The following ARHGAP15 variants were observed in gnomAD, a reference collection of about 807,000 sequenced individuals.
ARHGAP15 encodes Rho GTPase activating protein 15.
A neutral mutation model predicts 63.7 loss-of-function variants in ARHGAP15; 51 were observed. The ratio of observed to expected loss-of-function variants is 0.80; its 90% CI spans 0.64 to 1.01. The LOEUF is 1.01. ARHGAP15 is among the 50% of genes least tolerant of loss of function. The pLI is 0.00. For synonymous variants in ARHGAP15, 191 were observed against 193.8 expected (o/e 0.99, Z 0.12); for missense variants, 560 against 564.6 (o/e 0.99, Z 0.08).
chr2:143,348,464 A>G (rs893478904), intron 6 of ARHGAP15, among the ~76,000 whole-genome samples: 2 of 149,928 alleles, frequency 1.3e-5, no homozygotes, highest in African/African-American at 5.0e-5. Flanking sequence ...TTTCAGGATT[A>G]AAAAAAAACT....
At chr2:143,315,508 G>A (rs544974916) in intron 6 of ARHGAP15, among the ~76,000 whole-genome samples, 1 of 152,036 alleles carries the variant, frequency 6.6e-6, no homozygotes, top group South Asian at 2.1e-4. Flanking sequence ...ACAGATACCA[G>A]AATACTAACT....
At chr2:143,501,249 C>T (rs186341017) in intron 9 of ARHGAP15, among the ~76,000 whole-genome samples, 8 of 152,194 alleles carry the variant, frequency 5.3e-5, no homozygotes, top group Non-Finnish European at 1.0e-4. Flanking sequence ...TTCATTCATT[C>T]CCTGGACAGT....
At chr2:143,576,100 T>G (rs759412424) in intron 11 of ARHGAP15, among the ~76,000 whole-genome samples, 2 of 152,154 alleles carry the variant, frequency 1.3e-5, no homozygotes, top group Non-Finnish European at 2.9e-5. Context: ...AAAGCACTGT[T>G]CATTAACACC....
intron 12 of ARHGAP15, among the ~76,000 whole-genome samples, chr2:143,697,075 G>A (rs1031722671): frequency 3.3e-5 from 5 of 152,230 alleles, no homozygotes; most frequent in East Asian, 3.9e-4. Flanking sequence ...CGCTCAAGGC[G>A]GTGGTTTTTC....
chr2:143,456,102 C>A (rs939689263), intron 8 of ARHGAP15, among the ~76,000 whole-genome samples: 2 of 152,086 alleles, frequency 1.3e-5, no homozygotes. Flanking sequence ...CAGCTTAAAT[C>A]CTGACGCTGC....
At chr2:143,550,856 C>T (rs1402490794) in intron 10 of ARHGAP15, among the ~76,000 whole-genome samples, 1 of 152,090 alleles carries the variant, frequency 6.6e-6, no homozygotes, top group Non-Finnish European at 1.5e-5. Flanking sequence ...CAAAATGTCC[C>T]AAATTTTAAG....
chr2:143,388,076 A>AT (rs1204652572), intron 6 of ARHGAP15, among the ~76,000 whole-genome samples: 1 of 152,222 alleles, frequency 6.6e-6, no homozygotes, highest in African/African-American at 2.4e-5. Context: ...TACTGCTAAT[A>AT]TTCCACTTTT....
intron 9 of ARHGAP15, among the ~76,000 whole-genome samples, chr2:143,497,921 G>C (rs891674666): frequency 6.6e-6 from 1 of 152,136 alleles, no homozygotes; most frequent in Non-Finnish European, 1.5e-5. Flanking sequence ...TGTCTCTAAA[G>C]ATAGTACATG....
At chr2:143,409,444 A>C (rs777341269) in intron 6 of ARHGAP15, among the ~76,000 whole-genome samples, 4 of 152,064 alleles carry the variant, frequency 2.6e-5, no homozygotes, top group Non-Finnish European at 5.9e-5. Flanking sequence ...ATGGTCCTTT[A>C]ACTGGGCTTA....
At chr2:143,607,953 T>G (rs1279431455) in intron 11 of ARHGAP15, 1 of 152,160 alleles carries the variant, frequency 6.6e-6, no homozygotes, top group African/African-American at 2.4e-5. Context: ...CATCACCAAA[T>G]GTAAGCATAT....
intron 6 of ARHGAP15, among the ~76,000 whole-genome samples, chr2:143,374,174 C>T (rs1686704341): frequency 6.6e-6 from 1 of 152,086 alleles, no homozygotes. Flanking sequence ...AAATAAAATC[C>T]GGTGGCTAAG....
intron 10 of ARHGAP15, among the ~76,000 whole-genome samples, chr2:143,534,999 T>G (rs934381720): frequency 6.6e-6 from 1 of 152,220 alleles, no homozygotes; most frequent in Admixed American, 6.5e-5. Context: ...GATGTTATTT[T>G]TTACAATTTC....
chr2:143,513,317 G>A (rs1029112204), intron 9 of ARHGAP15, among the ~76,000 whole-genome samples: 4 of 151,978 alleles, frequency 2.6e-5, no homozygotes, highest in South Asian at 2.1e-4. Context: ...CATTATAACC[G>A]CTAAAAATAA....
At chr2:143,263,205 C>T (rs937495732) in intron 6 of ARHGAP15, among the ~76,000 whole-genome samples, 4 of 152,150 alleles carry the variant, frequency 2.6e-5, no homozygotes, top group South Asian at 2.1e-4. Context: ...CTTAAGATCA[C>T]GTGCCTGGTG....
intron 11 of ARHGAP15, among the ~76,000 whole-genome samples, chr2:143,580,384 C>T (rs1696847824): frequency 6.6e-6 from 1 of 152,112 alleles, no homozygotes; most frequent in South Asian, 2.1e-4. Context: ...CCAATTATTT[C>T]CAGCCCACGC....
intron 10 of ARHGAP15, among the ~76,000 whole-genome samples, chr2:143,554,931 T>G (rs1695725114): frequency 1.3e-5 from 2 of 152,142 alleles, no homozygotes; most frequent in Non-Finnish European, 2.9e-5. Context: ...GGTGTCCAGC[T>G]TCACCCAATT....
intron 12 of ARHGAP15, among the ~76,000 whole-genome samples, chr2:143,671,915 C>T (rs954024227): frequency 2.6e-5 from 4 of 152,122 alleles, no homozygotes; most frequent in Non-Finnish European, 4.4e-5. Flanking sequence ...CCTGCACTAT[C>T]CTCTTATAAG....
At chr2:143,296,972 T>A (rs1574230218) in intron 6 of ARHGAP15, among the ~76,000 whole-genome samples, 1 of 152,100 alleles carries the variant, frequency 6.6e-6, no homozygotes, top group East Asian at 1.9e-4. Context: ...TACCTTTTTT[T>A]CCTTAGGTTA....
rs2105068697 is a variant in ARHGAP15, at chr2:143,548,956, TA to T, written c.926-7449del. On this transcript the variant is annotated intron_variant, in intron 10 of 13. Coordinates refer to ENST00000295095, the MANE Select transcript of ARHGAP15 (RefSeq NM_018460.4). Reference sequence around the variant, plus strand: ...AATAAAAGGAGAATTGAAAAATGCATAAATGATAGTAGGAATTTCTATAAAC... The same window carrying T: ...AATAAAAGGAGAATTGAAAAATGCATAATGATAGTAGGAATTTCTATAAAC... Among the ~76,000 whole-genome samples, 2 of 152,152 alleles carry T rather than the reference TA, an allele frequency of 1.3e-5. 1 individual carries two copies. Among genetic ancestry groups the T allele is most frequent in the South Asian group, 4.1e-4 (2 of 4,820 alleles).
Sources: allele counts gnomAD v4.1 joint callset (sites outside exome capture counted in the v4.1 genomes callset), GRCh38; gene constraint gnomAD v4.1.1; transcripts MANE v1.5; gene names NCBI Gene and HGNC (gene_info 2026-07-23, HGNC 2026-07-21).